Variants in TNRC6C observed in about 807,000 individuals in gnomAD.
TNRC6C encodes the protein trinucleotide repeat containing adaptor 6C.
In TNRC6C, 20 loss-of-function variants were observed where a neutral mutation model predicts 153.7. That is an observed-to-expected ratio of 0.13 (90% CI 0.09 to 0.19). The LOEUF is 0.19. Among genes scored for constraint, TNRC6C ranks in the 10% least tolerant of loss-of-function variants. The probability of loss-of-function intolerance (pLI) is 1.00; values close to 1 mark genes in which losing one functional copy is unlikely to be tolerated. For missense variants in TNRC6C, 1,987 were observed against 2,172.0 expected (o/e 0.91, Z 1.69); for synonymous variants, 811 against 841.4 (o/e 0.96, Z 0.63).
intron 1 of TNRC6C, among the ~76,000 whole-genome samples, chr17:78,018,450 A>T (rs1439514777): frequency 6.6e-6 from 1 of 152,090 alleles, no homozygotes; most frequent in Non-Finnish European, 1.5e-5. Context: ...TTTTTATATA[A>T]TACTCAGTAT....
At chr17:78,027,813 G>T (rs1598706569) in intron 1 of TNRC6C, among the ~76,000 whole-genome samples, 2 of 152,202 alleles carry the variant, frequency 1.3e-5, no homozygotes, top group East Asian at 3.9e-4. Flanking sequence ...TTGAGTTGAT[G>T]GAATACAGTA....
exon 15 of TNRC6C, chr17:78,093,000 G>A: frequency 6.2e-7 from 1 of 1,613,866 alleles, no homozygotes. Flanking sequence ...CCTATGGCCG[G>A]TACGATTTAA....
At chr17:77,993,248 C>T (rs545878263) in intron 1 of TNRC6C, among the ~76,000 whole-genome samples, 12 of 152,338 alleles carry the variant, frequency 7.9e-5, no homozygotes, top group African/African-American at 2.9e-4. Flanking sequence ...AGGCGTGAGC[C>T]ACCGCGTGCG....
intron 1 of TNRC6C, among the ~76,000 whole-genome samples, chr17:77,987,937 C>CT (rs986283124): frequency 7.9e-5 from 12 of 152,036 alleles, no homozygotes; most frequent in African/African-American, 2.7e-4. Context: ...GCCTTGGCCT[C>CT]TCAAAGTGCT....
chr17:78,037,820 A>G (rs147011273), intron 2 of TNRC6C, among the ~76,000 whole-genome samples: 7 of 152,342 alleles, frequency 4.6e-5, no homozygotes, highest in East Asian at 3.9e-4. Context: ...ACTAATTCCA[A>G]ACTTCATCTA....
intron 2 of TNRC6C, among the ~76,000 whole-genome samples, chr17:78,046,104 C>T (rs902649326): frequency 4.6e-5 from 7 of 151,474 alleles, no homozygotes; most frequent in African/African-American, 1.7e-4. Flanking sequence ...TATGAGTTTT[C>T]TCTTTTCTAA....
chr17:78,101,767 G>C (rs910530741), intron 17 of TNRC6C, among the ~76,000 whole-genome samples: 3 of 152,160 alleles, frequency 2.0e-5, no homozygotes, highest in African/African-American at 7.2e-5. Context: ...CAGATCGCTC[G>C]TGCTACTGTT....
At chr17:78,031,873 T>A in intron 2 of TNRC6C, 31 bp downstream of exon 4, 1 of 1,232,070 alleles carries the variant, frequency 8.1e-7, no homozygotes, top group Non-Finnish European at 1.0e-6. Context: ...GACATTGTTT[T>A]GATCTGAAAA....
In TNRC6C at chr17:78,018,793, A is replaced by G. The variant is rs2071778604; in HGVS notation, c.-545-12723A>G. On this transcript the variant is annotated intron_variant, in intron 1 of 19. Transcript: ENST00000301624. The stretch of plus-strand genomic sequence containing the variant: ...CTGTAGAAAACCTCTGTATTTATTG[A>G]ATGAGTGAGTACTGTCTCTATAAAC... Among the ~76,000 whole-genome samples the G allele has an allele frequency of 2.6e-5, 4 of 152,162 alleles. No homozygotes were observed. In the South Asian group the frequency reaches 8.3e-4, roughly 31 times the overall value.
At chr17:78,092,852 A>G in intron 14 of TNRC6C, 81 bp from the exon 17 acceptor site, 1 of 1,258,576 alleles carries the variant, frequency 7.9e-7, no homozygotes. Flanking sequence ...CAGAAGGTAC[A>G]TAGGGAGGCT....
At chr17:77,984,398 G>T (rs1336389532) in intron 1 of TNRC6C, among the ~76,000 whole-genome samples, 3 of 151,746 alleles carry the variant, frequency 2.0e-5, no homozygotes, top group African/African-American at 7.3e-5. Flanking sequence ...GTGTGGTGGC[G>T]CATGCATTAG....
chr17:78,085,867 G>A (rs1322770790), intron 11 of TNRC6C, among the ~76,000 whole-genome samples: 4 of 150,386 alleles, frequency 2.7e-5, no homozygotes, highest in African/African-American at 7.4e-5. Flanking sequence ...GTTTCAGTTT[G>A]TATGAATCAA....
intron 2 of TNRC6C, among the ~76,000 whole-genome samples, chr17:78,032,682 T>G (rs901534603): frequency 6.6e-6 from 1 of 152,230 alleles, no homozygotes; most frequent in Non-Finnish European, 1.5e-5. Context: ...AGGAGGCTTC[T>G]TAGATTGGAA....
chr17:77,965,221 A>G (rs2070888353), intron 1 of TNRC6C, among the ~76,000 whole-genome samples: 1 of 152,210 alleles, frequency 6.6e-6, no homozygotes, highest in Non-Finnish European at 1.5e-5. Context: ...TAAACTCAAT[A>G]CACTTCAAAG....
chr17:78,022,852 T>G (rs1284957385), intron 1 of TNRC6C, among the ~76,000 whole-genome samples: 2 of 152,268 alleles, frequency 1.3e-5, no homozygotes. Flanking sequence ...AATGGACAGT[T>G]GCATCTGTAC....
At chr17:78,018,542 G>C (rs1043986723) in intron 1 of TNRC6C, among the ~76,000 whole-genome samples, 11 of 152,104 alleles carry the variant, frequency 7.2e-5, no homozygotes, top group South Asian at 6.2e-4. Context: ...GACATGTTTG[G>C]GGGGGTGGAG....
chr17:78,080,458 A>G (rs1421415932), intron 10 of TNRC6C, among the ~76,000 whole-genome samples: 1 of 152,238 alleles, frequency 6.6e-6, no homozygotes, highest in Non-Finnish European at 1.5e-5. Flanking sequence ...AAAAAAAGAA[A>G]GAAAGGAAAA....
chr17:77,972,262 C>T (rs2070945630), intron 1 of TNRC6C, among the ~76,000 whole-genome samples: 1 of 152,154 alleles, frequency 6.6e-6, no homozygotes, highest in Non-Finnish European at 1.5e-5. Flanking sequence ...CCTGAAATCC[C>T]ATCACTTTGG....
At chr17:78,062,275 A>G (rs1175991990) in intron 3 of TNRC6C, among the ~76,000 whole-genome samples, 1 of 152,202 alleles carries the variant, frequency 6.6e-6, no homozygotes, top group African/African-American at 2.4e-5. Context: ...TCCTCAGCAT[A>G]GAGCTTGTAA....
Sources: allele counts gnomAD v4.1 joint callset (sites outside exome capture counted in the v4.1 genomes callset), GRCh38; gene constraint gnomAD v4.1.1; transcripts MANE v1.5; gene names NCBI Gene and HGNC (gene_info 2026-07-23, HGNC 2026-07-21).